ACYP2: variants seen among roughly 807,000 people sequenced by gnomAD.
ACYP2 encodes acylphosphatase-2.
Under a neutral mutation model 11.2 loss-of-function variants are expected in ACYP2, and 12 were observed. The observed-to-expected ratio is 1.08, with a 90% CI of 0.69 to 1.74. The LOEUF is 1.74. ACYP2 is among the 40% of genes most tolerant of loss of function. The probability of loss-of-function intolerance (pLI) is 0.00; values close to 1 mark genes in which losing one functional copy is unlikely to be tolerated. For synonymous variants in ACYP2, 43 were observed against 32.2 expected (o/e 1.33, Z -1.13); for missense variants, 134 against 101.9 (o/e 1.31, Z -1.35).
intron 6 of ACYP2, among the ~76,000 whole-genome samples, chr2:54,299,141 C>T (rs1033542866): frequency 1.3e-5 from 2 of 152,132 alleles, no homozygotes; most frequent in Non-Finnish European, 2.9e-5. Context: ...AATGTTGAGG[C>T]CTTAACCTTC....
intron 2 of ACYP2, among the ~76,000 whole-genome samples, chr2:54,048,815 G>T (rs1311427032): frequency 6.6e-6 from 1 of 152,184 alleles, no homozygotes; most frequent in African/African-American, 2.4e-5. Context: ...TGACAGACTT[G>T]GCTCTGAAAT....
intron 6 of ACYP2, among the ~76,000 whole-genome samples, chr2:54,152,265 G>A (rs144839506): frequency 2.5e-3 from 380 of 151,916 alleles, no homozygotes; most frequent in African/African-American, 9.0e-3. Context: ...CTAAAAACAC[G>A]TACATGATGC....
chr2:54,189,579 T>C (rs1349725257), intron 6 of ACYP2, among the ~76,000 whole-genome samples: 5 of 129,992 alleles, frequency 3.8e-5, no homozygotes, highest in African/African-American at 1.3e-4. Context: ...ATTTAATATG[T>C]ATATCTGTGT....
chr2:54,205,749 C>T (rs965250452), intron 6 of ACYP2, among the ~76,000 whole-genome samples: 1 of 152,204 alleles, frequency 6.6e-6, no homozygotes, highest in Non-Finnish European at 1.5e-5. Flanking sequence ...CTCTACCCCT[C>T]TGAAGTTCAA....
intron 6 of ACYP2, among the ~76,000 whole-genome samples, chr2:54,283,126 T>G (rs545009701): frequency 1.3e-5 from 2 of 152,244 alleles, no homozygotes; most frequent in South Asian, 4.1e-4. Context: ...TTTATCCTAA[T>G]GCACGAATGA....
At chr2:54,095,376 GC>G (rs1558524525) in intron 4 of ACYP2, among the ~76,000 whole-genome samples, 2 of 152,196 alleles carry the variant, frequency 1.3e-5, no homozygotes, top group Non-Finnish European at 2.9e-5. Flanking sequence ...TGTCATCCTG[GC>G]CCGTTCTCAA....
intron 6 of ACYP2, among the ~76,000 whole-genome samples, chr2:54,270,509 G>A (rs62140461): frequency 0.13 from 19,313 of 152,162 alleles, 1,232 homozygotes; most frequent in East Asian, 0.16. Flanking sequence ...TTGGGAGGCT[G>A]AAGTGGGAAG....
At chr2:53,977,909 T>C (rs1364600067) in intron 2 of ACYP2, among the ~76,000 whole-genome samples, 2 of 152,174 alleles carry the variant, frequency 1.3e-5, no homozygotes, top group Non-Finnish European at 2.9e-5. Context: ...TCTGTTGTTA[T>C]GTTTAATACA....
At chr2:54,117,394 C>T (rs183735708) in intron 4 of ACYP2, among the ~76,000 whole-genome samples, 1 of 152,160 alleles carries the variant, frequency 6.6e-6, no homozygotes, top group African/African-American at 2.4e-5. Context: ...CTCCTGGGCT[C>T]AAGTGATCTT....
intron 4 of ACYP2, among the ~76,000 whole-genome samples, chr2:54,059,215 T>C (rs893278933): frequency 2.0e-5 from 3 of 151,918 alleles, no homozygotes; most frequent in Admixed American, 6.6e-5. Flanking sequence ...TCTTTCTTTT[T>C]CTTTTTCTTT....
chr2:54,224,045 G>T (rs1685903948), intron 6 of ACYP2, among the ~76,000 whole-genome samples: 1 of 152,136 alleles, frequency 6.6e-6, no homozygotes, highest in Admixed American at 6.5e-5. Context: ...CGGGACATTG[G>T]GGTTAGGCTT....
intron 2 of ACYP2, among the ~76,000 whole-genome samples, chr2:53,992,142 C>T (rs945642781): frequency 1.3e-5 from 2 of 148,444 alleles, no homozygotes; most frequent in African/African-American, 5.0e-5. Context: ...TTTCTTCCTT[C>T]CTTTCTTTCT....
At chr2:54,140,228 G>A (rs1469443743) in intron 6 of ACYP2, among the ~76,000 whole-genome samples, 3 of 152,138 alleles carry the variant, frequency 2.0e-5, no homozygotes, top group South Asian at 2.1e-4. Context: ...CCAAATGATT[G>A]TGTGGAAGTT....
chr2:54,231,121 C>T (rs559309082), intron 6 of ACYP2, among the ~76,000 whole-genome samples: 1 of 152,160 alleles, frequency 6.6e-6, no homozygotes, highest in African/African-American at 2.4e-5. Context: ...GTGGAGCCAC[C>T]GCGCCCGGCC....
chr2:54,110,094 T>C (rs1679380969), intron 4 of ACYP2, among the ~76,000 whole-genome samples: 1 of 152,216 alleles, frequency 6.6e-6, no homozygotes, highest in South Asian at 2.1e-4. Flanking sequence ...AGAATTAAAT[T>C]ATATTCTCTT....
At chr2:54,181,512 C>G (rs763297691) in intron 6 of ACYP2, among the ~76,000 whole-genome samples, 2 of 152,154 alleles carry the variant, frequency 1.3e-5, no homozygotes, top group Non-Finnish European at 2.9e-5. Flanking sequence ...CCAGAGAAAA[C>G]TCCTGGCATT....
intron 2 of ACYP2, among the ~76,000 whole-genome samples, chr2:54,048,199 GA>G (rs1339491504): frequency 1.3e-5 from 2 of 152,144 alleles, no homozygotes; most frequent in Non-Finnish European, 2.9e-5. Flanking sequence ...GCTGAGGCAG[GA>G]GGATCCCTTG....
intron 6 of ACYP2, among the ~76,000 whole-genome samples, chr2:54,143,710 G>A (rs1432559288): frequency 7.5e-6 from 1 of 133,502 alleles, no homozygotes; most frequent in African/African-American, 2.7e-5. Context: ...GGGATTACAG[G>A]CATGAGCCAC....
intron 2 of ACYP2, among the ~76,000 whole-genome samples, chr2:53,982,368 A>C (rs1671807783): frequency 6.6e-6 from 1 of 152,192 alleles, no homozygotes. Flanking sequence ...CTAGTTCTCC[A>C]GTGTGTATTA....
Sources: allele counts gnomAD v4.1 joint callset (sites outside exome capture counted in the v4.1 genomes callset), GRCh38; gene constraint gnomAD v4.1.1; transcripts MANE v1.5; gene names NCBI Gene and HGNC (gene_info 2026-07-23, HGNC 2026-07-21).